Variants in LIMCH1 observed in about 807,000 individuals in gnomAD.
LIMCH1 encodes LIM and calponin homology domains-containing protein 1.
In LIMCH1, 113 loss-of-function variants were observed where a neutral mutation model predicts 176.5. That is an observed-to-expected ratio of 0.64 (90% confidence interval 0.55 to 0.75). LIMCH1 has a LOEUF of 0.75. Among genes scored for constraint, LIMCH1 ranks in the 30% least tolerant of loss-of-function variants. LIMCH1 has a pLI of 0.00. For missense variants in LIMCH1, 1,674 were observed against 1,814.9 expected (o/e 0.92, Z 1.41); for synonymous variants, 619 against 645.9 (o/e 0.96, Z 0.63).
At chr4:41,536,811 T>G (rs1398781039), upstream of LIMCH1, among the ~76,000 whole-genome samples, 2 of 152,178 alleles carry the variant, frequency 1.3e-5, no homozygotes, top group Non-Finnish European at 2.9e-5. Context: ...AAATATTATA[T>G]GGCATTATAG....
At chr4:41,542,873 TAAG>T (rs2078856791) in intron 1 of LIMCH1, among the ~76,000 whole-genome samples, 1 of 152,082 alleles carries the variant, frequency 6.6e-6, no homozygotes, top group Non-Finnish European at 1.5e-5. Context: ...AAATTGAAAA[TAAG>T]AACTGAAAAA....
intron 1 of LIMCH1, among the ~76,000 whole-genome samples, chr4:41,586,286 T>G (rs2086460815): frequency 6.6e-6 from 1 of 151,942 alleles, no homozygotes; most frequent in Admixed American, 6.6e-5. Flanking sequence ...TTTTCATATT[T>G]TTTTGTAGAG....
chr4:41,406,523 C>T (rs1442333551), intron 1 of LIMCH1, among the ~76,000 whole-genome samples: 10 of 152,224 alleles, frequency 6.6e-5, no homozygotes, highest in Non-Finnish European at 1.5e-4. Flanking sequence ...CTCCCTCCCT[C>T]TCCAGGGAGG....
intron 1 of LIMCH1, among the ~76,000 whole-genome samples, chr4:41,433,017 G>A (rs1269964198): frequency 1.3e-5 from 2 of 152,208 alleles, no homozygotes; most frequent in African/African-American, 2.4e-5. Flanking sequence ...TCTCACTGAT[G>A]TCAAAAGACT....
At chr4:41,635,942 G>A (rs376686903) in intron 13 of LIMCH1, among the ~76,000 whole-genome samples, 1 of 151,990 alleles carries the variant, frequency 6.6e-6, no homozygotes, top group African/African-American at 2.4e-5. Flanking sequence ...TTTGAGACAG[G>A]ATCTCACTCC....
rs139835973 is a variant in LIMCH1, at chr4:41,687,373, A to G, written c.4089-467A>G. 2.1e-3 allele frequency among the ~76,000 whole-genome samples: 314 copies of G among 152,276 alleles called. 1 individual carries two copies. The highest frequency in any genetic ancestry group is 7.4e-3 in the African/African-American group (306 of 41,558). ...ATTTGTTGATAAGGGAAGTCACTGA[A>G]AATAGCTCCTTTAAGTTCTGCCCTT... On this transcript the variant is annotated intron_variant, in intron 28 of 31. Coordinates refer to ENST00000503057, the MANE Select transcript of LIMCH1 (RefSeq NM_001330672.2).
In LIMCH1 at chr4:41,548,079, C is replaced by T. The variant is rs533330194; in HGVS notation, c.-241+9729C>T. 4.0e-5 allele frequency among the ~76,000 whole-genome samples: 6 copies of T among 151,718 alleles called. 1 individual carries two copies. The highest frequency in any genetic ancestry group is 3.9e-4 in the East Asian group (2 of 5,164). ...TGAGGAATAAAGGCATATGGATCAA[C>T]GTAGCATGTTGCCTGGCACCTTATA... On this transcript the variant is annotated intron_variant, in intron 1 of 31. Coordinates refer to ENST00000503057, the MANE Select transcript of LIMCH1 (RefSeq NM_001330672.2).
At chr4:41,493,113 GT>G (rs2071396591) in intron 1 of LIMCH1, among the ~76,000 whole-genome samples, 1 of 152,024 alleles carries the variant, frequency 6.6e-6, no homozygotes, top group Admixed American at 6.5e-5. Flanking sequence ...GTACATAGTT[GT>G]TGGATCCTGC....
chr4:41,420,855 GGA>G (rs1314146665), intron 1 of LIMCH1, among the ~76,000 whole-genome samples: 1 of 152,230 alleles, frequency 6.6e-6, no homozygotes, highest in African/African-American at 2.4e-5. Context: ...CAAGAACGCT[GGA>G]GAAAGCACAT....
At chr4:41,645,062 G>A (rs2094001815) in intron 15 of LIMCH1, among the ~76,000 whole-genome samples, 1 of 152,178 alleles carries the variant, frequency 6.6e-6, no homozygotes, top group African/African-American at 2.4e-5. Context: ...CAATGAACTA[G>A]CAACTCTTAT....
chr4:41,440,346 C>T (rs959193715), intron 1 of LIMCH1, among the ~76,000 whole-genome samples: 1 of 152,104 alleles, frequency 6.6e-6, no homozygotes, highest in African/African-American at 2.4e-5. Flanking sequence ...GACTTCAATG[C>T]TTTCCTCAAG....
chr4:41,629,230 G>A (rs779135411), intron 8 of LIMCH1, among the ~76,000 whole-genome samples: 3 of 152,134 alleles, frequency 2.0e-5, no homozygotes, highest in African/African-American at 7.2e-5. Context: ...CAGCAGGCAC[G>A]GCTTCTTTTC....
intron 1 of LIMCH1, among the ~76,000 whole-genome samples, chr4:41,456,360 C>CGT (rs2064597109): frequency 6.6e-6 from 1 of 151,990 alleles, no homozygotes. Context: ...TGTGCGTGTG[C>CGT]ATGTGTGTGA....
At chr4:41,438,590 C>T (rs1037379206) in intron 1 of LIMCH1, among the ~76,000 whole-genome samples, 2 of 152,144 alleles carry the variant, frequency 1.3e-5, no homozygotes, top group Non-Finnish European at 2.9e-5. Flanking sequence ...CTACCCGCCT[C>T]GGCCTCCCAA....
intron 1 of LIMCH1, among the ~76,000 whole-genome samples, chr4:41,542,469 TAAAG>T (rs1193641155): frequency 6.6e-6 from 1 of 152,046 alleles, no homozygotes; most frequent in Admixed American, 6.6e-5. Context: ...AGTAAAAACT[TAAAG>T]GAAGGAAAAA....
chr4:41,558,395 A>G (rs1156505687), intron 1 of LIMCH1, among the ~76,000 whole-genome samples: 1 of 152,230 alleles, frequency 6.6e-6, no homozygotes, highest in Non-Finnish European at 1.5e-5. Context: ...TTTAAAACAA[A>G]TTAGGCAGTA....
rs113996015 is a variant in LIMCH1, at chr4:41,405,149, G to A, written c.96+44213G>A. 3.0e-3 allele frequency among the ~76,000 whole-genome samples: 456 copies of A among 152,196 alleles called. 6 individuals are homozygous for A. Among genetic ancestry groups the A allele is most frequent in the African/African-American group, 0.01 (428 of 41,506 alleles). ...ACCGTACTATCCACATGTATTATTA[G>A]TAAATATTTGATAATGAGAGAGAAA... On this transcript the variant is annotated intron_variant, in intron 1 of 26. Coordinates refer to the LIMCH1 transcript ENST00000313860.
intron 1 of LIMCH1, among the ~76,000 whole-genome samples, chr4:41,545,715 T>C (rs1161088306): frequency 6.6e-6 from 1 of 152,254 alleles, no homozygotes; most frequent in Non-Finnish European, 1.5e-5. Flanking sequence ...TCATCTCTTA[T>C]GGTTGATCAG....
intron 1 of LIMCH1, among the ~76,000 whole-genome samples, chr4:41,402,468 A>G (rs1464917472): frequency 2.0e-5 from 3 of 147,080 alleles, no homozygotes; most frequent in African/African-American, 7.7e-5. Flanking sequence ...CAGCCATCCC[A>G]TTACTGGGTA....
Sources: allele counts gnomAD v4.1 joint callset (sites outside exome capture counted in the v4.1 genomes callset), GRCh38; gene constraint gnomAD v4.1.1; transcripts MANE v1.5; gene names NCBI Gene and HGNC (gene_info 2026-07-23, HGNC 2026-07-21).